The following ARHGAP12 variants were observed in gnomAD, a reference collection of about 807,000 sequenced individuals.
The protein encoded by ARHGAP12 is rho GTPase-activating protein 12.
In ARHGAP12, 64 loss-of-function variants were observed where a neutral mutation model predicts 108.6. That is an observed-to-expected ratio of 0.59 (90% confidence interval 0.48 to 0.73). The LOEUF is 0.73. Ranked by LOEUF, ARHGAP12 falls within the 30% of genes least tolerant of loss-of-function variation. ARHGAP12 has a pLI of 0.00. For synonymous variants in ARHGAP12, 312 were observed against 337.2 expected (o/e 0.93, Z 0.82); for missense variants, 940 against 1,005.9 (o/e 0.93, Z 0.89).
intron 12 of ARHGAP12, among the ~76,000 whole-genome samples, 161 bp from the exon 13 acceptor site, chr10:31,818,047 C>T (rs1456037258): frequency 6.6e-6 from 1 of 151,888 alleles, no homozygotes; most frequent in Non-Finnish European, 1.5e-5. Context: ...TATGGAATAC[C>T]TTTTTGGTTT....
chr10:31,810,020 T>C lies in ARHGAP12; in HGVS notation c.2050+629A>G, dbSNP rs192536033. Among the ~76,000 whole-genome samples, 37 of 152,276 alleles carry C rather than the reference T, an allele frequency of 2.4e-4. 1 individual carries two copies. The highest frequency in any genetic ancestry group is 2.2e-3 in the Admixed American group (34 of 15,292). On this transcript the variant is annotated intron_variant, in intron 16 of 19. Transcript: ENST00000344936. Reference sequence around the variant, plus strand: ...AAGAGTCAGTGGGACAAGAGATCTGTAACTGGCAGAAATTACAAATTGAAT... The same window carrying C: ...AAGAGTCAGTGGGACAAGAGATCTGCAACTGGCAGAAATTACAAATTGAAT...
chr10:31,909,545 G>A (rs113928124), intron 2 of ARHGAP12, among the ~76,000 whole-genome samples: 1 of 152,188 alleles, frequency 6.6e-6, no homozygotes, highest in Admixed American at 6.5e-5. Flanking sequence ...ATCAAGTTAA[G>A]ACAAGGTCAT....
At chr10:31,811,773 G>A (rs1183795078) in intron 15 of ARHGAP12, among the ~76,000 whole-genome samples, 2 of 151,652 alleles carry the variant, frequency 1.3e-5, no homozygotes. Context: ...GTGTTCAATC[G>A]ATCCTCCCAC....
intron 3 of ARHGAP12, among the ~76,000 whole-genome samples, chr10:31,905,138 T>C (rs1839076625): frequency 6.6e-6 from 1 of 152,190 alleles, no homozygotes; most frequent in Non-Finnish European, 1.5e-5. Flanking sequence ...AGCCATACAC[T>C]GAAAATTAGT....
At position 31,843,551 on chromosome 10, in the gene ARHGAP12, A is replaced by C. The variant is rs1194581496; in HGVS notation, c.1206T>G (p.Ile402Met). The change falls in exon 7 of 20, where the codon ATT becomes ATG. Residue 402 changes from isoleucine (I) to methionine (M), a missense_variant. Ile to Met is a conservative substitution (Grantham distance 10). Coordinates refer to ENST00000344936, the MANE Select transcript of ARHGAP12 (RefSeq NM_018287.7). ...NASSQQQREIIKSRSLDRRLQ... is the reference protein window; with the variant it reads ...NASSQQQREIMKSRSLDRRLQ... ...GCCGCCTGTCCAGGCTCCTACTTTT[A>C]ATTATTTCTCTTTGCTGCTGGGATG... is the stretch of plus-strand genomic sequence containing the variant. 1 of 1,610,204 alleles carries C rather than the reference A, an allele frequency of 6.2e-7. No homozygotes were observed. The highest frequency in any genetic ancestry group is 1.7e-5 in the Admixed American group (1 of 58,648).
At chr10:31,839,268 G>A (rs1836156272) in intron 9 of ARHGAP12, 37 bp downstream of exon 9, 1 of 1,587,950 alleles carries the variant, frequency 6.3e-7, no homozygotes, top group Admixed American at 1.7e-5. Context: ...AAATGAAGGT[G>A]TCTATGCCTA....
chr10:31,866,338 C>A (rs1319512043), intron 3 of ARHGAP12, among the ~76,000 whole-genome samples: 4 of 152,184 alleles, frequency 2.6e-5, no homozygotes, highest in Admixed American at 2.6e-4. Flanking sequence ...TACTTTCCTG[C>A]CATAAACTAG....
chr10:31,867,922 A>C (rs1837390738), intron 3 of ARHGAP12, among the ~76,000 whole-genome samples: 1 of 152,108 alleles, frequency 6.6e-6, no homozygotes, highest in African/African-American at 2.4e-5. Context: ...AAATCTGGCC[A>C]GGCACAGTGG....
intron 3 of ARHGAP12, among the ~76,000 whole-genome samples, chr10:31,862,760 C>T (rs977122863): frequency 2.7e-5 from 4 of 150,200 alleles, no homozygotes; most frequent in African/African-American, 9.9e-5. Context: ...ACGCCTCCGA[C>T]GTGACAACTG....
chr10:31,875,239 T>C (rs1216949590), intron 3 of ARHGAP12, among the ~76,000 whole-genome samples: 1 of 152,146 alleles, frequency 6.6e-6, no homozygotes, highest in Non-Finnish European at 1.5e-5. Context: ...TCTGGAATGA[T>C]CTTTAAGAAA....
intron 3 of ARHGAP12, among the ~76,000 whole-genome samples, chr10:31,907,415 C>T (rs1159375465): frequency 6.6e-6 from 1 of 151,388 alleles, no homozygotes; most frequent in Non-Finnish European, 1.5e-5. Flanking sequence ...ATCACTTGAG[C>T]CCAGGAAGTG....
intron 3 of ARHGAP12, among the ~76,000 whole-genome samples, chr10:31,879,906 C>T (rs1289118179): frequency 3.9e-5 from 6 of 152,148 alleles, no homozygotes; most frequent in Non-Finnish European, 8.8e-5. Flanking sequence ...CTGCAGGTAC[C>T]TTTAACTATG....
intron 1 of ARHGAP12, among the ~76,000 whole-genome samples, chr10:31,925,372 T>C (rs1465255903): frequency 2.0e-5 from 3 of 152,206 alleles, no homozygotes; most frequent in Non-Finnish European, 2.9e-5. Context: ...AAAAGAGTTT[T>C]AGATTTACAT....
rs182500177 is a variant in ARHGAP12 at position 31,871,453 on chromosome 10, G to A, written c.685-9795C>T. Among the ~76,000 whole-genome samples the A allele has an allele frequency of 2.4e-3, 358 of 151,966 alleles. 3 individuals carry two copies. The highest frequency in any genetic ancestry group is 8.2e-3 in the African/African-American group (341 of 41,420). ...TGCTAAGACTTAGCTGTCACCTTACGGCTTGCTTCTGTCCTCCCCCTCTCC... is the reference window on the plus strand; with the variant it reads ...TGCTAAGACTTAGCTGTCACCTTACAGCTTGCTTCTGTCCTCCCCCTCTCC... On this transcript the variant is annotated intron_variant, in intron 3 of 19. Transcript: ENST00000344936.
At chr10:31,823,074 A>C (rs1364178791) in intron 11 of ARHGAP12, among the ~76,000 whole-genome samples, 1 of 152,230 alleles carries the variant, frequency 6.6e-6, no homozygotes, top group Admixed American at 6.5e-5. Context: ...AACTGAAAAG[A>C]AGCACAACAT....
intron 3 of ARHGAP12, among the ~76,000 whole-genome samples, chr10:31,880,351 G>A (rs1837895336): frequency 6.6e-6 from 1 of 152,184 alleles, no homozygotes; most frequent in Admixed American, 6.5e-5. Context: ...TCTCATGCCT[G>A]TAATCCCAAC....
At chr10:31,819,478 G>A (rs1564369226) in intron 12 of ARHGAP12, among the ~76,000 whole-genome samples, 1 of 152,120 alleles carries the variant, frequency 6.6e-6, no homozygotes, top group Non-Finnish European at 1.5e-5. Context: ...CTGTCAATAG[G>A]CTGCCTCTCT....
At chr10:31,928,178 A>G (rs879262865) in intron 1 of ARHGAP12, among the ~76,000 whole-genome samples, 6,519 of 99,652 alleles carry the variant, frequency 0.065, 196 homozygotes, top group Non-Finnish European at 0.11. Flanking sequence ...TTTTGCGCAC[A>G]CACACACACA....
intron 1 of ARHGAP12, among the ~76,000 whole-genome samples, chr10:31,920,551 G>GA (rs907493446): frequency 2.7e-4 from 40 of 147,490 alleles, no homozygotes; most frequent in African/African-American, 5.0e-4. Context: ...TCATCTACTG[G>GA]AAAAAAAAAA....
Sources: allele counts gnomAD v4.1 joint callset (sites outside exome capture counted in the v4.1 genomes callset), GRCh38; gene constraint gnomAD v4.1.1; transcripts MANE v1.5; gene names NCBI Gene and HGNC (gene_info 2026-07-23, HGNC 2026-07-21).